The following ARFGEF1 variants were observed in gnomAD, a reference collection of about 807,000 sequenced individuals.
ARFGEF1 encodes the protein brefeldin A-inhibited guanine nucleotide-exchange protein 1.
In ARFGEF1, 42 loss-of-function variants were observed where a neutral mutation model predicts 231.0. That is an observed-to-expected ratio of 0.18 (90% confidence interval 0.14 to 0.24). ARFGEF1 has a LOEUF of 0.24. Ranked by LOEUF, ARFGEF1 falls within the 10% of genes least tolerant of loss-of-function variation. The pLI is 1.00. For synonymous variants in ARFGEF1, 710 were observed against 732.3 expected, an observed-to-expected ratio of 0.97 and a Z score of 0.49; for missense variants, 1,345 against 2,192.0, an observed-to-expected ratio of 0.61 and a Z score of 7.72.
At chr8:67,238,251 C>T (rs1839829314) in intron 22 of ARFGEF1, 92 bp downstream of exon 22, 1 of 1,328,036 alleles carries the variant, frequency 7.5e-7, no homozygotes, top group South Asian at 1.6e-5. Flanking sequence ...GGCATTTTAT[C>T]TTCTCCTTCT....
At position 67,343,437 on chromosome 8, in the gene ARFGEF1, G is replaced by T. The variant is rs1043270471; in HGVS notation, c.-150C>A. ...GGAGGGCAGCGGCAGGATCAGGAAG[G>T]GGCGGGCGAGCGGGACCAGCCGCGG... On this transcript the variant is annotated 5_prime_UTR_variant, in exon 1 of 39. Coordinates refer to ENST00000262215, the MANE Select transcript of ARFGEF1 (RefSeq NM_006421.5). 7.9e-6 allele frequency: 11 copies of T among 1,387,796 alleles called. No individual in the cohort carries two copies. Among genetic ancestry groups the T allele is most frequent in the Admixed American group, 5.3e-5 (2 of 38,070 alleles). 86.0% of individuals were successfully genotyped at this position (1,387,796 alleles called of 1,614,324 possible). A position where few individuals can be genotyped will look rare whatever the true frequency, so the allele number is the denominator to read the frequency against.
intron 10 of ARFGEF1, among the ~76,000 whole-genome samples, chr8:67,271,436 A>G (rs34711984): frequency 0.2 from 30,304 of 152,016 alleles, 3,564 homozygotes; most frequent in East Asian, 0.36. Flanking sequence ...AATTAATTCA[A>G]GAGAGCAAGA....
At chr8:67,245,344 T>C (rs1195397856) in intron 19 of ARFGEF1, among the ~76,000 whole-genome samples, 3 of 150,522 alleles carry the variant, frequency 2.0e-5, no homozygotes, top group African/African-American at 7.4e-5. Flanking sequence ...TGTGTAACTG[T>C]GGACATGTAA....
chr8:67,225,404 C>T (rs1176452868), intron 28 of ARFGEF1, among the ~76,000 whole-genome samples: 1 of 152,074 alleles, frequency 6.6e-6, no homozygotes, highest in Non-Finnish European at 1.5e-5. Flanking sequence ...AATGAGTTGA[C>T]GTATCTAAAA....
At chr8:67,275,943 T>A (rs1805295671) in intron 9 of ARFGEF1, 33 bp downstream of exon 9, 2 of 1,610,610 alleles carry the variant, frequency 1.2e-6, no homozygotes, top group African/African-American at 2.7e-5. Context: ...CCTAAAAACC[T>A]CTATTTGTCA....
intron 23 of ARFGEF1, among the ~76,000 whole-genome samples, chr8:67,228,914 C>CATTTTA (rs1206223414): frequency 1.3e-5 from 2 of 152,030 alleles, no homozygotes; most frequent in Non-Finnish European, 2.9e-5. Flanking sequence ...TTAAAGTCTG[C>CATTTTA]ATTTTAACCC....
intron 6 of ARFGEF1, among the ~76,000 whole-genome samples, chr8:67,288,921 G>T (rs1805876768): frequency 6.7e-6 from 1 of 148,826 alleles, no homozygotes; most frequent in South Asian, 2.1e-4. Flanking sequence ...AGCTAAAAAA[G>T]AATTCATTGT....
At chr8:67,226,923 C>T (rs1055587070) in intron 27 of ARFGEF1, among the ~76,000 whole-genome samples, 4 of 151,926 alleles carry the variant, frequency 2.6e-5, no homozygotes, top group Non-Finnish European at 4.4e-5. Context: ...AAAGAAATTA[C>T]GTGAAAAGTG....
At chr8:67,211,948 G>C (rs1327706351) in intron 33 of ARFGEF1, among the ~76,000 whole-genome samples, 1 of 152,108 alleles carries the variant, frequency 6.6e-6, no homozygotes, top group Non-Finnish European at 1.5e-5. Flanking sequence ...TTTAGAAAAG[G>C]ATCTTCTGTC....
intron 34 of ARFGEF1, among the ~76,000 whole-genome samples, chr8:67,208,292 T>C (rs1195826723): frequency 6.6e-6 from 1 of 151,760 alleles, no homozygotes; most frequent in African/African-American, 2.4e-5. Flanking sequence ...CTGAAAAAAA[T>C]TAAATCAAAA....
At chr8:67,260,601 C>T (rs916162576) in intron 14 of ARFGEF1, among the ~76,000 whole-genome samples, 2 of 152,170 alleles carry the variant, frequency 1.3e-5, no homozygotes, top group African/African-American at 4.8e-5. Flanking sequence ...CTGACTGGCT[C>T]ATCTCTCTTC....
intron 38 of ARFGEF1, chr8:67,199,572 T>C (rs895788617): frequency 3.2e-5 from 5 of 158,194 alleles, no homozygotes; most frequent in African/African-American, 1.2e-4. Context: ...TTTGGCTGTA[T>C]CTTCACAGTA....
intron 1 of ARFGEF1, among the ~76,000 whole-genome samples, chr8:67,335,796 G>C (rs993611409): frequency 1.3e-5 from 2 of 151,752 alleles, no homozygotes; most frequent in Non-Finnish European, 2.9e-5. Context: ...TCTCGGGCTG[G>C]AGTGCAGTAG....
intron 5 of ARFGEF1, among the ~76,000 whole-genome samples, chr8:67,180,738 T>C (rs1832802527): frequency 6.6e-6 from 1 of 152,196 alleles, no homozygotes; most frequent in South Asian, 2.1e-4. Flanking sequence ...TACTATTTCT[T>C]ATACCTGTGT....
At chr8:67,285,598 T>C (rs553342148) in intron 7 of ARFGEF1, among the ~76,000 whole-genome samples, 3 of 152,286 alleles carry the variant, frequency 2.0e-5, no homozygotes. Flanking sequence ...AGATTGGCTA[T>C]TAATCACAAA....
At chr8:67,216,514 T>A in intron 33 of ARFGEF1, 76 bp downstream of exon 33, 1 of 1,277,958 alleles carries the variant, frequency 7.8e-7, no homozygotes, top group South Asian at 1.4e-5. Flanking sequence ...GACAATTACA[T>A]GTAAGAATTT....
intron 29 of ARFGEF1, among the ~76,000 whole-genome samples, chr8:67,222,182 C>CATATATATATATATATATATATACACAT (rs1839196264): frequency 5.1e-5 from 6 of 117,738 alleles, no homozygotes; most frequent in South Asian, 2.6e-4. Flanking sequence ...TATATATACA[C>CATATATATATATATATATATATACACAT]ATATATATAT....
chr8:67,236,364 AAATATAT>A (rs1458543031), intron 22 of ARFGEF1, among the ~76,000 whole-genome samples: 7 of 36,756 alleles, frequency 1.9e-4, no homozygotes, highest in African/African-American at 5.6e-4. Flanking sequence ...AAAAAAAAAA[AAATATAT>A]ATATATATAT....
At chr8:67,229,078 A>G (rs1024829145) in intron 23 of ARFGEF1, among the ~76,000 whole-genome samples, 1 of 152,086 alleles carries the variant, frequency 6.6e-6, no homozygotes, top group Non-Finnish European at 1.5e-5. Flanking sequence ...AGTAATAGCT[A>G]CCAATCACAA....
Sources: allele counts gnomAD v4.1 joint callset (sites outside exome capture counted in the v4.1 genomes callset), GRCh38; gene constraint gnomAD v4.1.1; transcripts MANE v1.5; gene names NCBI Gene and HGNC (gene_info 2026-07-23, HGNC 2026-07-21).